The following MTUS2 variants were observed in gnomAD, a reference collection of about 807,000 sequenced individuals.
MTUS2 encodes the protein microtubule associated scaffold protein 2, also known as microtubule-associated tumor suppressor candidate 2.
A neutral mutation model predicts 114.1 loss-of-function variants in MTUS2; 40 were observed. The observed-to-expected ratio is 0.35, with a 90% CI of 0.27 to 0.46. The LOEUF (loss-of-function observed/expected upper bound fraction) is 0.46, where lower values mean the gene tolerates loss of function less well. MTUS2 is among the 20% of genes least tolerant of loss of function. The pLI, the probability that MTUS2 is intolerant of heterozygous loss-of-function variation, is 1.00. For synonymous variants in MTUS2, 688 were observed against 672.0 expected, an observed-to-expected ratio of 1.02 and a Z score of -0.37; for missense variants, 1,679 against 1,705.4, an observed-to-expected ratio of 0.98 and a Z score of 0.27.
intron 6 of MTUS2, among the ~76,000 whole-genome samples, chr13:29,284,350 G>A (rs1246181506): frequency 6.6e-6 from 1 of 150,922 alleles, no homozygotes; most frequent in Non-Finnish European, 1.5e-5. Flanking sequence ...ATAGGAAAAT[G>A]TTATATATGA....
intron 6 of MTUS2, among the ~76,000 whole-genome samples, chr13:29,298,352 A>G (rs1899039366): frequency 6.6e-6 from 1 of 152,254 alleles, no homozygotes; most frequent in African/African-American, 2.4e-5. Context: ...TCAGTAGGCT[A>G]AAGAAACTCT....
chr13:28,935,804 A>G (rs966934436), intron 2 of MTUS2, among the ~76,000 whole-genome samples: 1 of 151,892 alleles, frequency 6.6e-6, no homozygotes, highest in African/African-American at 2.4e-5. Flanking sequence ...GCCCGAGTGC[A>G]GTGGTGTGAT....
chr13:28,942,749 G>A (rs1372005131), intron 2 of MTUS2, among the ~76,000 whole-genome samples: 1 of 152,162 alleles, frequency 6.6e-6, no homozygotes, highest in East Asian at 1.9e-4. Flanking sequence ...TCAGAAACAG[G>A]CAAAACAACT....
intron 2 of MTUS2, among the ~76,000 whole-genome samples, chr13:28,858,841 T>G (rs1267720971): frequency 6.6e-6 from 1 of 152,004 alleles, no homozygotes; most frequent in African/African-American, 2.4e-5. Context: ...GAAGTTCAGA[T>G]AAGGGGTGAG....
intron 2 of MTUS2, among the ~76,000 whole-genome samples, chr13:28,900,230 T>TATTGGCATTGA (rs1879561205): frequency 6.6e-6 from 1 of 152,198 alleles, no homozygotes; most frequent in South Asian, 2.1e-4. Context: ...TTAACAACGA[T>TATTGGCATTGA]TACAATATTG....
chr13:29,131,961 A>T (rs556641891), intron 5 of MTUS2, among the ~76,000 whole-genome samples: 1 of 152,342 alleles, frequency 6.6e-6, no homozygotes, highest in East Asian at 1.9e-4. Context: ...AATCTTGACC[A>T]CAAGTCTGTG....
intron 2 of MTUS2, among the ~76,000 whole-genome samples, chr13:29,017,221 G>T (rs535287931): frequency 1.0e-3 from 159 of 152,156 alleles, no homozygotes; most frequent in African/African-American, 3.7e-3. Flanking sequence ...GGATTTTTTT[G>T]CATTGTTATA....
At chr13:28,938,565 A>G (rs1215822055) in intron 2 of MTUS2, among the ~76,000 whole-genome samples, 3 of 152,118 alleles carry the variant, frequency 2.0e-5, no homozygotes, top group Admixed American at 2.0e-4. Flanking sequence ...TGGAGGAAAC[A>G]TTTTATATTA....
chr13:29,371,470 G>A (rs1010663819), intron 8 of MTUS2, among the ~76,000 whole-genome samples: 12 of 151,954 alleles, frequency 7.9e-5, no homozygotes, highest in African/African-American at 2.7e-4. Context: ...TGCTTGCCTC[G>A]GCCTTCCAAA....
In MTUS2 at chr13:28,982,551, G is replaced by A. The variant is rs1037286220; in HGVS notation, c.-242-41906G>A. 5.9e-5 allele frequency among the ~76,000 whole-genome samples: 9 copies of A among 152,222 alleles called. No homozygotes were observed. The South Asian group carries it at 1.9e-3, about 32-fold the overall frequency. The stretch of plus-strand genomic sequence containing the variant: ...TCCAAAAGCAGTGAAAGCAGGGACC[G>A]AAACAGGTATTTGTAGACCTCTGTT... On this transcript the variant is annotated intron_variant, in intron 2 of 15. Coordinates refer to ENST00000612955, the MANE Select transcript of MTUS2 (RefSeq NM_001033602.4).
At chr13:29,111,614 A>G (rs973319499) in intron 5 of MTUS2, among the ~76,000 whole-genome samples, 2 of 152,242 alleles carry the variant, frequency 1.3e-5, no homozygotes, top group Non-Finnish European at 2.9e-5. Flanking sequence ...AAGCAAACAT[A>G]GCTTCTAGAT....
chr13:29,142,657 G>A (rs1447343298), intron 5 of MTUS2, among the ~76,000 whole-genome samples: 1 of 152,174 alleles, frequency 6.6e-6, no homozygotes, highest in Non-Finnish European at 1.5e-5. Context: ...AGTGAGCCAA[G>A]ATCGTGCCAC....
Position 29,335,367 on chromosome 13 carries a change from A to AG in MTUS2, c.2905+10657dup, listed in dbSNP as rs1901003241. Among the ~76,000 whole-genome samples, 5 of 152,306 alleles carry AG rather than the reference A, an allele frequency of 3.3e-5. No individual in the cohort carries two copies. The South Asian group carries it at 1.0e-3, about 32-fold the overall frequency. On this transcript the variant is annotated intron_variant, in intron 7 of 15. Coordinates refer to ENST00000612955, the MANE Select transcript of MTUS2 (RefSeq NM_001033602.4). ...TGCTCTCAAACCCTGTCTCCTGATA[A>AG]GATGTTATCAGTGACAATGTGTGCC...
chr13:29,367,848 A>G (rs3125689), intron 8 of MTUS2, among the ~76,000 whole-genome samples: 98,908 of 151,720 alleles, frequency 0.65, 32,458 homozygotes, highest in East Asian at 0.75. Flanking sequence ...GGAACTGTAC[A>G]TTGTATGCAT....
chr13:28,842,713 A>G (rs1875593322), intron 2 of MTUS2, among the ~76,000 whole-genome samples: 1 of 152,214 alleles, frequency 6.6e-6, no homozygotes, highest in Non-Finnish European at 1.5e-5. Flanking sequence ...TTAGGATAGC[A>G]TAGCTTTTGA....
At chr13:28,949,211 T>C (rs1882688326) in intron 2 of MTUS2, among the ~76,000 whole-genome samples, 1 of 152,238 alleles carries the variant, frequency 6.6e-6, no homozygotes, top group South Asian at 2.1e-4. Context: ...TGAGCCAGGC[T>C]TTGACTTTGA....
At chr13:29,149,864 T>C (rs547950564) in intron 5 of MTUS2, among the ~76,000 whole-genome samples, 3 of 152,254 alleles carry the variant, frequency 2.0e-5, no homozygotes, top group South Asian at 4.1e-4. Flanking sequence ...TTCTGTTCCA[T>C]TGATATGTGT....
At chr13:29,479,985 A>T in intron 9 of MTUS2, 165 bp from the exon 10 acceptor site, 1 of 624,210 alleles carries the variant, frequency 1.6e-6, no homozygotes, top group Non-Finnish European at 2.7e-6. Flanking sequence ...GTGAGGATCT[A>T]ATGGGTGGAA....
At chr13:29,459,096 C>T (rs1438118391) in intron 9 of MTUS2, among the ~76,000 whole-genome samples, 3 of 152,208 alleles carry the variant, frequency 2.0e-5, no homozygotes, top group African/African-American at 4.8e-5. Flanking sequence ...TTCTTCGCAT[C>T]GCTTGGACCC....
Sources: allele counts gnomAD v4.1 joint callset (sites outside exome capture counted in the v4.1 genomes callset), GRCh38; gene constraint gnomAD v4.1.1; transcripts MANE v1.5; gene names NCBI Gene and HGNC (gene_info 2026-07-23, HGNC 2026-07-21).